The following WDFY3 variants were observed in gnomAD, a reference collection of about 807,000 sequenced individuals.
WDFY3 encodes WD repeat and FYVE domain-containing protein 3.
WDFY3 carries 66 observed loss-of-function variants against 409.6 expected under a neutral mutation model. That is an observed-to-expected ratio of 0.16 (90% CI 0.13 to 0.20). The LOEUF is 0.20. WDFY3 is among the 10% of genes least tolerant of loss of function. The pLI, the probability that WDFY3 is intolerant of heterozygous loss-of-function variation, is 1.00. For synonymous variants in WDFY3, 1,521 were observed against 1,537.1 expected (o/e 0.99, Z 0.25); for missense variants, 3,031 against 4,298.1 (o/e 0.71, Z 8.24).
In WDFY3 at chr4:84,780,176, C is replaced by T; in HGVS notation, c.4297G>A (p.Ala1433Thr). ...DVEGLYAAVKALVCVVKSNPL... is the reference protein window; with the variant it reads ...DVEGLYAAVKTLVCVVKSNPL... Reference sequence around the variant, plus strand: ...TTACTCTTGACCACACAAACCAGGGCCTTGACTGCTGCATATAACCCTTCC... The same window carrying T: ...TTACTCTTGACCACACAAACCAGGGTCTTGACTGCTGCATATAACCCTTCC... The change falls in exon 26 of 68, where the codon GCC (alanine) becomes ACC (threonine). Residue 1433 changes from alanine to threonine, a missense_variant. Physicochemically the swap from Ala to Thr is moderately conservative, Grantham distance 58. Transcript: ENST00000295888. 2 of 1,613,652 alleles carry T rather than the reference C, an allele frequency of 1.2e-6. No individual in the cohort carries two copies. The highest frequency in any genetic ancestry group is 1.7e-6 in the Non-Finnish European group (2 of 1,179,800).
Position 84,789,844 on chromosome 4 carries a change from C to T in WDFY3, c.3551G>A (p.Cys1184Tyr). The T allele has an allele frequency of 6.2e-7, 1 of 1,614,086 alleles. No individual in the cohort carries two copies. Among genetic ancestry groups the T allele is most frequent in the South Asian group, 1.1e-5 (1 of 91,078 alleles). ...CTGTCCCTCAATGATAAGCTCTCCACATCGAAAGCGAGCACAGCATGGGAG... is the reference window on the plus strand; with the variant it reads ...CTGTCCCTCAATGATAAGCTCTCCATATCGAAAGCGAGCACAGCATGGGAG... ...EILPCCARFR[C>Y]GELIIEGQWH... Residue 1184 changes from cysteine (C) to tyrosine (Y), a missense_variant, in exon 22 of 68, where the codon TGT (cysteine) becomes TAT (tyrosine). Physicochemically the swap from Cys to Tyr is radical, Grantham distance 194. Transcript: ENST00000295888.
intron 38 of WDFY3, among the ~76,000 whole-genome samples, chr4:84,740,879 G>T (rs1318831077): frequency 1.3e-5 from 2 of 151,892 alleles, no homozygotes; most frequent in Non-Finnish European, 1.5e-5. Flanking sequence ...ATATCCCTTT[G>T]AAAAGTCTTA....
At chr4:84,777,367 C>T (rs1560733427) in intron 27 of WDFY3, among the ~76,000 whole-genome samples, 2 of 151,240 alleles carry the variant, frequency 1.3e-5, no homozygotes, top group Admixed American at 6.6e-5. Flanking sequence ...AGATGAACAT[C>T]CTTACATAAA....
intron 3 of WDFY3, among the ~76,000 whole-genome samples, chr4:84,872,722 T>C (rs1434124660): frequency 1.3e-5 from 2 of 152,114 alleles, no homozygotes; most frequent in Admixed American, 1.3e-4. Flanking sequence ...ATAGACAATA[T>C]AGTATCTATA....
At chr4:84,814,640 G>A (rs1468174129) in intron 13 of WDFY3, among the ~76,000 whole-genome samples, 1 of 152,106 alleles carries the variant, frequency 6.6e-6, no homozygotes, top group African/African-American at 2.4e-5. Context: ...CAGAGCAACT[G>A]TGGAGGTTTC....
chr4:84,680,745 C>T (rs1419315183), intron 64 of WDFY3, among the ~76,000 whole-genome samples: 1 of 152,050 alleles, frequency 6.6e-6, no homozygotes, highest in East Asian at 1.9e-4. Flanking sequence ...AATACAATAT[C>T]GCAACTATTT....
intron 20 of WDFY3, 34 bp downstream of exon 20, chr4:84,794,845 A>T (rs776867980): frequency 6.5e-7 from 1 of 1,544,990 alleles, no homozygotes; most frequent in African/African-American, 1.4e-5. Context: ...CTACTAGAAA[A>T]AAAACTCATA....
chr4:84,677,978 A>G lies in WDFY3; in HGVS notation c.10259+190T>C, dbSNP rs867148525. ...CCCTGTCTCAAAAAAAAAAAAAAAA[A>G]AAAAAAAAAGAAAAAGAAAAGAAAA... On this transcript the variant is annotated intron_variant, in intron 66 of 67. Coordinates refer to ENST00000295888, the MANE Select transcript of WDFY3 (RefSeq NM_014991.6). 6.0e-3 allele frequency among the ~76,000 whole-genome samples: 912 copies of G among 151,262 alleles called. 10 individuals carry two copies. Among genetic ancestry groups the G allele is most frequent in the African/African-American group, 0.021 (853 of 41,236 alleles).
In WDFY3 at chr4:84,692,739, T is replaced by C. The variant is rs138036400; in HGVS notation, c.9049+146A>G. 382 of 689,352 alleles carry C rather than the reference T, an allele frequency of 5.5e-4. 1 individual carries two copies. Among genetic ancestry groups the C allele is most frequent in the Non-Finnish European group, 4.1e-4 (182 of 442,682 alleles). 42.7% of individuals were successfully genotyped at this position (689,352 alleles called of 1,614,324 possible). A position where few individuals can be genotyped will look rare whatever the true frequency, so the allele number is the denominator to read the frequency against. On this transcript the variant is annotated intron_variant, in intron 59 of 67. Transcript: ENST00000295888. ...CAAAAAGAGAAAATATAAATACTAG[T>C]AGGTATTTAGTAATCTAACACAAAA...
At chr4:84,809,333 C>T in intron 14 of WDFY3, 1 of 151,164 alleles carries the variant, frequency 6.6e-6, no homozygotes, top group Non-Finnish European at 1.5e-5. Flanking sequence ...CAATGCCTAG[C>T]ACAGTGACTT....
At chr4:84,833,748 G>A (rs1029535594) in intron 7 of WDFY3, among the ~76,000 whole-genome samples, 5 of 152,078 alleles carry the variant, frequency 3.3e-5, no homozygotes, top group Admixed American at 6.6e-5. Flanking sequence ...GAAGAGAAGC[G>A]AAGCTCAATA....
At chr4:84,724,709 T>C in intron 45 of WDFY3, 115 bp from the exon 46 acceptor site, 1 of 1,140,506 alleles carries the variant, frequency 8.8e-7, no homozygotes, top group South Asian at 1.7e-5. Flanking sequence ...GGGCTTTTCA[T>C]AGACTGTATG....
chr4:84,803,471 TA>T lies in WDFY3; in HGVS notation c.2430-5del. The T allele has an allele frequency of 6.3e-7, 1 of 1,598,038 alleles. No individual in the cohort carries two copies. Among genetic ancestry groups the T allele is most frequent in the Non-Finnish European group, 8.5e-7 (1 of 1,174,156 alleles). Reference sequence around the variant, plus strand: ...TGAAACAGAATGATATGCATGCCTATAAAAAAAGAAAGAGTAAATTTGGTAT... The same window carrying T: ...TGAAACAGAATGATATGCATGCCTATAAAAAAGAAAGAGTAAATTTGGTAT... On this transcript the variant is annotated splice_region_variant and splice_polypyrimidine_tract_variant and intron_variant, in intron 15 of 67. Coordinates refer to ENST00000295888, the MANE Select transcript of WDFY3 (RefSeq NM_014991.6).
chr4:84,961,997 T>G (rs1484036222), intron 1 of WDFY3, among the ~76,000 whole-genome samples: 7 of 152,228 alleles, frequency 4.6e-5, no homozygotes, highest in Admixed American at 4.6e-4. Flanking sequence ...CACATAGACC[T>G]GTATGCAAAT....
chr4:84,728,301 G>C (rs1461202689), intron 44 of WDFY3, among the ~76,000 whole-genome samples: 1 of 152,094 alleles, frequency 6.6e-6, no homozygotes, highest in Non-Finnish European at 1.5e-5. Context: ...GGCCGAGGTG[G>C]GTGGATTGCT....
At chr4:84,823,498 AC>A (rs1017089474) in intron 10 of WDFY3, among the ~76,000 whole-genome samples, 1 of 152,080 alleles carries the variant, frequency 6.6e-6, no homozygotes, top group Non-Finnish European at 1.5e-5. Context: ...TTAAAAAAAA[AC>A]CAGCAAGTCA....
intron 61 of WDFY3, 62 bp downstream of exon 61, chr4:84,690,444 A>G (rs1467460333): frequency 1.9e-6 from 3 of 1,612,068 alleles, no homozygotes; most frequent in Non-Finnish European, 2.5e-6. Flanking sequence ...TTTACTTCCT[A>G]CAGGGTGTAG....
intron 2 of WDFY3, among the ~76,000 whole-genome samples, chr4:84,925,493 A>G (rs1769856740): frequency 6.6e-6 from 1 of 152,186 alleles, no homozygotes; most frequent in Admixed American, 6.5e-5. Flanking sequence ...GAGAGAAAGA[A>G]AAAGAGAGGA....
rs866347773 is a variant in WDFY3, at chr4:84,962,685, T to G, written c.-226+3524A>C. The stretch of plus-strand genomic sequence containing the variant: ...AAGTAGGAGCCATTTCTTTTTTTTT[T>G]TTTTTTGAGATGGAGTCTCACTCTG... On this transcript the variant is annotated intron_variant, in intron 1 of 67. Transcript: ENST00000295888. 2.6e-5 allele frequency among the ~76,000 whole-genome samples: 4 copies of G among 151,480 alleles called. No homozygotes were observed. The South Asian group carries it at 6.3e-4, about 24-fold the overall frequency.
Sources: allele counts gnomAD v4.1 joint callset (sites outside exome capture counted in the v4.1 genomes callset), GRCh38; gene constraint gnomAD v4.1.1; transcripts MANE v1.5; gene names NCBI Gene and HGNC (gene_info 2026-07-23, HGNC 2026-07-21).